The following RNF145 variants were observed in gnomAD, a reference collection of about 807,000 sequenced individuals.
RNF145 encodes the protein ring finger protein 145.
In RNF145, 12 loss-of-function variants were observed where a neutral mutation model predicts 57.3. The observed-to-expected ratio is 0.21, with a 90% CI of 0.13 to 0.34. The LOEUF is 0.34. Ranked by LOEUF, RNF145 falls within the 10% of genes least tolerant of loss-of-function variation. The pLI is 1.00. For missense variants in RNF145, 429 were observed against 799.0 expected (o/e 0.54, Z 5.58); for synonymous variants, 262 against 288.3 (o/e 0.91, Z 0.92).
chr5:159,193,371 C>T (rs765478441), intron 3 of RNF145, among the ~76,000 whole-genome samples: 4 of 152,060 alleles, frequency 2.6e-5, no homozygotes, highest in Admixed American at 1.3e-4. Context: ...CCATTTTGAG[C>T]ATAGAAAATC....
At chr5:159,163,866 G>C (rs1411337546) in intron 8 of RNF145, among the ~76,000 whole-genome samples, 1 of 152,126 alleles carries the variant, frequency 6.6e-6, no homozygotes, top group Non-Finnish European at 1.5e-5. Flanking sequence ...CGTCCCACTA[G>C]AAATTCCTCC....
At chr5:159,199,210 G>A (rs1785578608) in intron 2 of RNF145, among the ~76,000 whole-genome samples, 1 of 152,062 alleles carries the variant, frequency 6.6e-6, no homozygotes, top group Non-Finnish European at 1.5e-5. Flanking sequence ...AGACTACAGT[G>A]GTCAAAAAGC....
At chr5:159,173,940 C>T (rs1400047643) in intron 6 of RNF145, 43 bp downstream of exon 6, 2 of 1,328,832 alleles carry the variant, frequency 1.5e-6, no homozygotes, top group African/African-American at 3.0e-5. Context: ...AAAGTTTTCT[C>T]TTTCTAAGGT....
intron 5 of RNF145, among the ~76,000 whole-genome samples, chr5:159,175,003 A>C (rs1267325258): frequency 6.6e-6 from 1 of 152,226 alleles, no homozygotes; most frequent in African/African-American, 2.4e-5. Context: ...AGTATCTAGC[A>C]GTCAGCTGGT....
chr5:159,195,971 T>C (rs1785446431), intron 2 of RNF145, among the ~76,000 whole-genome samples: 1 of 152,220 alleles, frequency 6.6e-6, no homozygotes, highest in South Asian at 2.1e-4. Flanking sequence ...CTGTCATCTT[T>C]TCTCTCTTAT....
intron 4 of RNF145, 117 bp downstream of exon 4, chr5:159,181,843 T>A: frequency 1.6e-6 from 1 of 622,578 alleles, no homozygotes; most frequent in Non-Finnish European, 2.9e-6. Flanking sequence ...GTGGGAAAAG[T>A]CCCCATGAAT....
intron 1 of RNF145, among the ~76,000 whole-genome samples, chr5:159,208,382 G>A (rs1404435336): frequency 6.6e-6 from 1 of 152,202 alleles, no homozygotes; most frequent in Admixed American, 6.5e-5. Context: ...GCGAAGTTCA[G>A]CATCCCCGAA....
At chr5:159,191,147 C>A (rs539015074) in intron 3 of RNF145, among the ~76,000 whole-genome samples, 1 of 151,566 alleles carries the variant, frequency 6.6e-6, no homozygotes, top group African/African-American at 2.4e-5. Flanking sequence ...TGTTGGGCTG[C>A]ATTCAAAGCC....
At chr5:159,179,202 A>G (rs111696757) in intron 4 of RNF145, among the ~76,000 whole-genome samples, 1 of 152,024 alleles carries the variant, frequency 6.6e-6, no homozygotes. Context: ...GAAGAATATG[A>G]CTCATATGGC....
upstream of RNF145, chr5:159,209,981 G>A: frequency 7.2e-7 from 1 of 1,384,768 alleles, no homozygotes; most frequent in Non-Finnish European, 9.9e-7. Context: ...TGGCGTCTGG[G>A]ATGGCTCAGC....
chr5:159,158,454 A>C lies in RNF145; in HGVS notation c.*216T>G, dbSNP rs564984757. On this transcript the variant is annotated 3_prime_UTR_variant, in exon 11 of 11. Transcript: ENST00000424310. ...ATAAAACATCAGCAGAGAACATATA[A>C]ATACATTTTGATTAGCATACATTGC... 3 of 579,994 alleles carry C rather than the reference A, an allele frequency of 5.2e-6. No individual in the cohort carries two copies. Among genetic ancestry groups the C allele is most frequent in the East Asian group, 2.9e-5 (1 of 34,540 alleles). The allele number at this position is 579,994 out of a possible 1,614,324, so 35.9% of individuals were successfully genotyped here. A position where few individuals can be genotyped will look rare whatever the true frequency, so the allele number is the denominator to read the frequency against.
At chr5:159,201,874 ATTTC>A (rs1347492931) in intron 2 of RNF145, among the ~76,000 whole-genome samples, 5 of 152,148 alleles carry the variant, frequency 3.3e-5, no homozygotes, top group African/African-American at 1.2e-4. Flanking sequence ...ATGCTTTTTT[ATTTC>A]TGAATGTAGA....
chr5:159,192,584 C>T (rs1213550241), intron 3 of RNF145, among the ~76,000 whole-genome samples: 1 of 152,166 alleles, frequency 6.6e-6, no homozygotes, highest in Non-Finnish European at 1.5e-5. Flanking sequence ...AAAATGCTCA[C>T]AAAACATTGC....
intron 8 of RNF145, among the ~76,000 whole-genome samples, chr5:159,164,502 C>T (rs115254282): frequency 0.012 from 1,811 of 152,178 alleles, 12 homozygotes; most frequent in Non-Finnish European, 0.019. Context: ...AATGTATATA[C>T]AACAATGTTA....
At position 159,161,419 on chromosome 5, in the gene RNF145, G is replaced by A. The variant is rs374534238; in HGVS notation, c.1473C>T (p.Phe491=). ...EWTVMGSMII[F]IHSYYNVWLR... ...GCCACACGTTATAGTAGGAATGAAT[G>A]AAGATGATCATTGAGCCCATCACTG... Residue 491 remains phenylalanine (F), a synonymous_variant, in exon 10 of 11, where the codon TTC becomes TTT. Coordinates refer to ENST00000424310, the MANE Select transcript of RNF145 (RefSeq NM_001199383.2). The A allele has an allele frequency of 2.7e-5, 43 of 1,614,198 alleles. No individual in the cohort carries two copies. Among genetic ancestry groups the A allele is most frequent in the Middle Eastern group, 1.6e-4 (1 of 6,062 alleles).
chr5:159,193,079 T>C (rs1255914529), intron 3 of RNF145, among the ~76,000 whole-genome samples: 1 of 152,188 alleles, frequency 6.6e-6, no homozygotes, highest in Non-Finnish European at 1.5e-5. Context: ...TATTGGTGCT[T>C]GGACTCCTAG....
intron 3 of RNF145, among the ~76,000 whole-genome samples, chr5:159,185,788 T>C (rs1785035131): frequency 6.6e-6 from 1 of 152,240 alleles, no homozygotes; most frequent in African/African-American, 2.4e-5. Flanking sequence ...TAAAATATTT[T>C]CCTTCTTAAA....
intron 3 of RNF145, among the ~76,000 whole-genome samples, chr5:159,188,424 G>C: frequency 6.6e-6 from 1 of 151,636 alleles, no homozygotes. Flanking sequence ...CTGGAGTTTA[G>C]AAATTTTAGA....
chr5:159,191,489 C>T (rs1785288377), intron 3 of RNF145, among the ~76,000 whole-genome samples: 1 of 152,058 alleles, frequency 6.6e-6, no homozygotes, highest in African/African-American at 2.4e-5. Flanking sequence ...TTTATTAAAA[C>T]TTAATAAAAT....
Sources: gnomAD v4.1 joint callset for allele counts (sites outside exome capture counted in the v4.1 genomes callset) on GRCh38, gnomAD v4.1.1 for gene constraint, MANE v1.5 for transcripts, NCBI Gene and HGNC (gene_info 2026-07-23, HGNC 2026-07-21) for gene names.